The following DLK2 variants were observed in gnomAD, a reference collection of about 807,000 sequenced individuals.
DLK2 encodes delta like non-canonical Notch ligand 2, also known as protein delta homolog 2.
In DLK2, 9 loss-of-function variants were observed where a neutral mutation model predicts 31.3. The observed-to-expected ratio is 0.29, with a 90% CI of 0.17 to 0.50. The LOEUF is 0.50. Ranked by LOEUF, DLK2 falls within the 20% of genes least tolerant of loss-of-function variation. DLK2 has a pLI of 0.98. For synonymous variants in DLK2, 169 were observed against 201.2 expected (o/e 0.84, Z 1.35); for missense variants, 387 against 526.1 (o/e 0.74, Z 2.59).
intron 3 of DLK2, among the ~76,000 whole-genome samples, 157 bp downstream of exon 3, chr6:43,454,254 G>C (rs1173526449): frequency 6.8e-6 from 1 of 146,754 alleles, no homozygotes; most frequent in Admixed American, 6.9e-5. Context: ...GAAGAAGCAA[G>C]AGAGGTGAGG....
intron 4 of DLK2, 117 bp from the exon 5 acceptor site, chr6:43,452,201 C>G (rs924392127): frequency 1.3e-4 from 182 of 1,438,618 alleles, no homozygotes; most frequent in Non-Finnish European, 1.6e-4. Flanking sequence ...ACAAACCCAG[C>G]CCAGGCTGGC....
upstream of DLK2, chr6:43,455,729 C>A (rs1783963317): frequency 3.3e-5 from 5 of 151,548 alleles, no homozygotes; most frequent in South Asian, 1.0e-3. Flanking sequence ...CCGAACCCAG[C>A]TTCCTTCCAA....
At chr6:43,454,506 T>C (rs1405605992) in intron 2 of DLK2, 32 bp from the exon 3 acceptor site, 2 of 1,570,952 alleles carry the variant, frequency 1.3e-6, no homozygotes, top group African/African-American at 1.3e-5. Context: ...GGGGTGAGTC[T>C]GAGTCAGGGC....
In DLK2 at chr6:43,451,150, G is replaced by C. The variant is rs143149140; in HGVS notation, c.541C>G (p.Arg181Gly). Residue 181 changes from arginine to glycine, a missense_variant, in exon 6 of 6, where the codon CGG becomes GGG. Physicochemically the swap from Arg to Gly is moderately radical, Grantham distance 125. Coordinates refer to ENST00000372488, the MANE Select transcript of DLK2 (RefSeq NM_023932.4). This position sits in a 1 kb window ranked among gnomAD's most constrained non-coding sequence, Gnocchi z 4.4. Reference sequence around the variant, plus strand: ...CAGGTGGCACCGTTAGCACAAGGCCGCATCAGGCAGTCATCCACATTTACC... The same window carrying C: ...CAGGTGGCACCGTTAGCACAAGGCCCCATCAGGCAGTCATCCACATTTACC... ...CEVNVDDCLM[R>G]PCANGATCLD... 5.6e-6 allele frequency: 9 copies of C among 1,614,160 alleles called. No homozygotes were observed. The South Asian group carries it at 9.9e-5, about 18-fold the overall frequency.
intron 3 of DLK2, among the ~76,000 whole-genome samples, chr6:43,454,032 T>C (rs1783879227): frequency 6.6e-6 from 1 of 152,188 alleles, no homozygotes; most frequent in Admixed American, 6.5e-5. Context: ...AAGATCCTCT[T>C]TCATTGTAAG....
intron 1 of DLK2, 197 bp downstream of exon 1, chr6:43,455,198 T>C (rs1296748743): frequency 1.5e-6 from 1 of 645,948 alleles, no homozygotes; most frequent in African/African-American, 2.0e-5. Flanking sequence ...AGAGGCGGCC[T>C]CGAGCACGGA....
In DLK2 at chr6:43,450,439, CCT is replaced by C; in HGVS notation, c.*98_*99del. 1 of 1,351,778 alleles carries C rather than the reference CCT, an allele frequency of 7.4e-7. No individual in the cohort carries two copies. The highest frequency in any genetic ancestry group is 1.0e-6 in the Non-Finnish European group (1 of 1,001,698). 83.7% of individuals were successfully genotyped at this position (1,351,778 alleles called of 1,614,324 possible). ...TATTTCTGGTGTGAGGCTGAGGTCT[CCT>C]CTGTGTGTGTACCCAAGCTGAAGGG... On this transcript the variant is annotated 3_prime_UTR_variant, in exon 6 of 6. Transcript: ENST00000372488. This position sits in a 1 kb window ranked among gnomAD's most constrained non-coding sequence, Gnocchi z 4.5.
intron 2 of DLK2, 70 bp downstream of exon 2, chr6:43,454,680 C>CGGA: frequency 3.3e-6 from 5 of 1,516,702 alleles, no homozygotes; most frequent in Non-Finnish European, 4.4e-6. Context: ...CGCCTCCGGC[C>CGGA]GGCAGAGGTC....
chr6:43,454,915 G>C, intron 1 of DLK2, 35 bp from the exon 2 acceptor site: 2 of 1,516,762 alleles, frequency 1.3e-6, no homozygotes, highest in Non-Finnish European at 8.8e-7. Flanking sequence ...GCGGCCGGAC[G>C]CGGAGATAGC....
Position 43,451,286 on chromosome 6 carries a change from G to T in DLK2, c.417-12C>A. 7 of 1,611,402 alleles carry T rather than the reference G, an allele frequency of 4.3e-6. No homozygotes were observed. The highest frequency in any genetic ancestry group is 5.9e-6 in the Non-Finnish European group (7 of 1,178,406). On this transcript the variant is annotated splice_polypyrimidine_tract_variant and intron_variant, in intron 5 of 5. Coordinates refer to ENST00000372488, the MANE Select transcript of DLK2 (RefSeq NM_023932.4). This position sits in a 1 kb window ranked among gnomAD's most constrained non-coding sequence, Gnocchi z 4.4. The stretch of plus-strand genomic sequence containing the variant: ...TGCGGCATGGGGAGCTGTGGTAGGG[G>T]TGAGAGAGGACATGATAACCAACTT...
Position 43,451,868 on chromosome 6 carries a change from C to T in DLK2, c.416+72G>A, listed in dbSNP as rs1461348022. ...CTCAGTCCCCCACCCTCCCAACAGT[C>T]CTGCCTCTTTTCTCATCCCATCACC... On this transcript the variant is annotated intron_variant, in intron 5 of 5. Coordinates refer to ENST00000372488, the MANE Select transcript of DLK2 (RefSeq NM_023932.4). The surrounding 1 kb of genome is among the most constrained non-coding windows in gnomAD (Gnocchi z 4.4). 2.1e-5 allele frequency: 34 copies of T among 1,582,426 alleles called. No homozygotes were observed. Among genetic ancestry groups the T allele is most frequent in the Middle Eastern group, 2.1e-4 (1 of 4,708 alleles).
Position 43,451,268 on chromosome 6 carries a change from T to C in DLK2, c.423A>G (p.Pro141=), listed in dbSNP as rs1324929202. Residue 141 remains proline (P), a synonymous_variant, in exon 6 of 6, where the codon CCA becomes CCG. Coordinates refer to ENST00000372488, the MANE Select transcript of DLK2 (RefSeq NM_023932.4). This position sits in a 1 kb window ranked among gnomAD's most constrained non-coding sequence, Gnocchi z 4.4. ...KAGPCEQAGS[P]CRNGGQCQDD... is the part of the protein sequence containing the mutation. Reference sequence around the variant, plus strand: ...CCTGGCACTGCCCGCCATTGCGGCATGGGGAGCTGTGGTAGGGGTGAGAGA... The same window carrying C: ...CCTGGCACTGCCCGCCATTGCGGCACGGGGAGCTGTGGTAGGGGTGAGAGA... 1.3e-5 allele frequency: 21 copies of C among 1,613,524 alleles called. No homozygotes were observed. Among genetic ancestry groups the C allele is most frequent in the East Asian group, 6.7e-5 (3 of 44,874 alleles).
chr6:43,451,235 C>T lies in DLK2; in HGVS notation c.456G>A (p.Gln152=). ...GGCACGTGAAGTTGAGAGCAAAGCCCTGGTCGTCCTGGCACTGCCCGCCAT... is the reference window on the plus strand; with the variant it reads ...GGCACGTGAAGTTGAGAGCAAAGCCTTGGTCGTCCTGGCACTGCCCGCCAT... ...CRNGGQCQDD[Q]GFALNFTCRC... The change falls in exon 6 of 6, where the codon CAG becomes CAA. Residue 152 remains glutamine (Q), a synonymous_variant. Coordinates refer to ENST00000372488, the MANE Select transcript of DLK2 (RefSeq NM_023932.4). This position sits in a 1 kb window ranked among gnomAD's most constrained non-coding sequence, Gnocchi z 4.4. 6.2e-7 allele frequency: 1 copy of T among 1,614,126 alleles called. No homozygotes were observed. Among genetic ancestry groups the T allele is most frequent in the Non-Finnish European group, 8.5e-7 (1 of 1,180,020 alleles).
At position 43,453,777 on chromosome 6, in the gene DLK2, A is replaced by G. The variant is rs1348152428; in HGVS notation, c.140+634T>C. Among the ~76,000 whole-genome samples, 1 of 152,224 alleles carries G rather than the reference A, an allele frequency of 6.6e-6. No individual in the cohort carries two copies. The highest frequency in any genetic ancestry group is 1.5e-5 in the Non-Finnish European group (1 of 68,042). On this transcript the variant is annotated intron_variant, in intron 3 of 5. Transcript: ENST00000372488. The surrounding 1 kb of genome is among the most constrained non-coding windows in gnomAD (Gnocchi z 4.1). ...GCACTCCAGCCTTGGCAACAAAGCG[A>G]GACTCTGTCTCAAAAACAAAAAATA...
At position 43,454,784 on chromosome 6, in the gene DLK2, C is replaced by T. The variant is rs369289641; in HGVS notation, c.42G>A (p.Leu14=). ...GCTGACCGGGAGCCCCCAGAATGCA[C>T]AACAGGCACACGAGATGCAGGCAGC... ...GCRCLHLVCL[L]CILGAPGQPV... is the part of the protein sequence containing the mutation. The change falls in exon 2 of 6, where the codon TTG becomes TTA. Residue 14 remains leucine (L), a synonymous_variant. Transcript: ENST00000372488. 1 of 1,554,800 alleles carries T rather than the reference C, an allele frequency of 6.4e-7. No individual in the cohort carries two copies.
upstream of DLK2, chr6:43,455,645 C>T (rs1463288664): frequency 8.5e-5 from 12 of 141,816 alleles, no homozygotes; most frequent in South Asian, 4.5e-4. Flanking sequence ...CCCATCCCCC[C>T]CCCCGCGACG....
intron 2 of DLK2, 121 bp downstream of exon 2, chr6:43,454,629 C>G: frequency 7.2e-7 from 1 of 1,394,306 alleles, no homozygotes; most frequent in South Asian, 1.3e-5. Context: ...AAAAGGCAAC[C>G]TCGGTCTTGC....
chr6:43,454,140 C>T (rs1271904681), intron 3 of DLK2, among the ~76,000 whole-genome samples: 1 of 152,208 alleles, frequency 6.6e-6, no homozygotes, highest in Non-Finnish European at 1.5e-5. Context: ...TCATGGCACC[C>T]AATCCCCAAG....
In DLK2 at chr6:43,450,706, G is replaced by A. The variant is rs1720909935; in HGVS notation, c.985C>T (p.Leu329=). Residue 329 remains leucine (L), a synonymous_variant, in exon 6 of 6, where the codon CTG becomes TTG. Coordinates refer to ENST00000372488, the MANE Select transcript of DLK2 (RefSeq NM_023932.4). The surrounding 1 kb of genome is among the most constrained non-coding windows in gnomAD (Gnocchi z 4.5). The part of the protein sequence containing the change: ...ALVLATVLLT[L]RAWRRGVCPP... ...CAGACACCCCGGCGCCAGGCCCTCAGGGTCAGCAACACAGTAGCCAGAACC... is the reference window on the plus strand; with the variant it reads ...CAGACACCCCGGCGCCAGGCCCTCAAGGTCAGCAACACAGTAGCCAGAACC... 6.2e-7 allele frequency: 1 copy of A among 1,614,072 alleles called. No homozygotes were observed.
Sources: allele counts gnomAD v4.1 joint callset (sites outside exome capture counted in the v4.1 genomes callset), GRCh38; gene constraint gnomAD v4.1.1; non-coding constraint Gnocchi (gnomAD v3.1); transcripts MANE v1.5; gene names NCBI Gene and HGNC (gene_info 2026-07-23, HGNC 2026-07-21).